Variants in DENND5B observed in about 807,000 individuals in gnomAD.
DENND5B encodes the protein DENN domain-containing protein 5B.
DENND5B carries 34 observed loss-of-function variants against 140.6 expected under a neutral mutation model. That is an observed-to-expected ratio of 0.24 (90% CI 0.18 to 0.32). The LOEUF (loss-of-function observed/expected upper bound fraction) is 0.32. Among genes scored for constraint, DENND5B ranks in the 10% least tolerant of loss-of-function variants. The pLI, the probability that DENND5B is intolerant of heterozygous loss-of-function variation, is 1.00. For synonymous variants in DENND5B, 551 were observed against 562.1 expected, an observed-to-expected ratio of 0.98 and a Z score of 0.28; for missense variants, 1,142 against 1,560.2, an observed-to-expected ratio of 0.73 and a Z score of 4.52.
intron 17 of DENND5B, among the ~76,000 whole-genome samples, chr12:31,397,815 T>C (rs1941567354): frequency 8.0e-6 from 1 of 125,032 alleles, no homozygotes; most frequent in South Asian, 2.8e-4. Flanking sequence ...TCCCAGCTAC[T>C]TGGAAAGCTG....
chr12:31,570,270 T>C, intron 1 of DENND5B, among the ~76,000 whole-genome samples: 1 of 149,906 alleles, frequency 6.7e-6, no homozygotes. Context: ...TAATCAAAAT[T>C]CTCTCTCTTT....
intron 2 of DENND5B, among the ~76,000 whole-genome samples, chr12:31,494,600 T>C (rs890991770): frequency 2.6e-5 from 4 of 152,176 alleles, no homozygotes; most frequent in African/African-American, 9.7e-5. Flanking sequence ...GTACCTCTGA[T>C]TGTTTCCTTC....
intron 2 of DENND5B, among the ~76,000 whole-genome samples, chr12:31,482,912 T>C (rs1946125770): frequency 6.6e-6 from 1 of 152,240 alleles, no homozygotes; most frequent in South Asian, 2.1e-4. Context: ...TAAAAGCTGA[T>C]GTCCTTATAA....
intron 8 of DENND5B, among the ~76,000 whole-genome samples, chr12:31,430,927 C>A (rs890580237): frequency 2.0e-5 from 3 of 152,162 alleles, no homozygotes; most frequent in African/African-American, 7.2e-5. Flanking sequence ...CCTCTCTTCA[C>A]AGCAAGAAGG....
intron 1 of DENND5B, among the ~76,000 whole-genome samples, chr12:31,589,375 A>G (rs1274461915): frequency 2.0e-5 from 3 of 152,162 alleles, no homozygotes; most frequent in Admixed American, 6.5e-5. Flanking sequence ...TTGGTATTCT[A>G]TTATCTCTCC....
chr12:31,559,618 G>T (rs1949406200), intron 1 of DENND5B, among the ~76,000 whole-genome samples: 1 of 152,032 alleles, frequency 6.6e-6, no homozygotes, highest in Non-Finnish European at 1.5e-5. Flanking sequence ...AAGTGTAATG[G>T]AAATGTAAGA....
At chr12:31,450,011 G>T (rs1043330101) in intron 5 of DENND5B, among the ~76,000 whole-genome samples, 1 of 152,176 alleles carries the variant, frequency 6.6e-6, no homozygotes, top group Non-Finnish European at 1.5e-5. Flanking sequence ...GATTACAGGC[G>T]TGAGCCACTG....
intron 3 of DENND5B, among the ~76,000 whole-genome samples, chr12:31,468,945 G>T (rs1945411783): frequency 6.6e-6 from 1 of 152,130 alleles, no homozygotes; most frequent in Admixed American, 6.5e-5. Flanking sequence ...CAGGGGTCAA[G>T]AAAACAAGGA....
At chr12:31,509,604 T>A (rs964466487) in intron 1 of DENND5B, among the ~76,000 whole-genome samples, 1 of 152,228 alleles carries the variant, frequency 6.6e-6, no homozygotes, top group South Asian at 2.1e-4. Context: ...AATTTTGAGA[T>A]AGTTTATTAT....
Position 31,452,039 on chromosome 12 carries a change from A to T in DENND5B, c.1530T>A (p.Phe510Leu). 1 of 1,613,964 alleles carries T rather than the reference A, an allele frequency of 6.2e-7. No individual in the cohort carries two copies. Among genetic ancestry groups the T allele is most frequent in the Non-Finnish European group, 8.5e-7 (1 of 1,179,890 alleles). ...VQLREVFANR[F>L]TQMFADYEAF... ...CTTCGTAATCTGCAAACATCTGTGT[A>T]AAACGGTTAGCAAAGACCTCTCGGA... Residue 510 changes from phenylalanine to leucine, a missense_variant, in exon 5 of 21, where the codon TTT becomes TTA. Around this residue, in one of 5 missense-constraint regions of DENND5B, gnomAD observed 708 missense variants for 905.5 expected, o/e 0.78. Transcript: ENST00000389082.
rs2139566941 is a variant in DENND5B at position 31,590,934 on chromosome 12, G to A, written c.-102C>T. 2 of 1,115,722 alleles carry A rather than the reference G, an allele frequency of 1.8e-6. No homozygotes were observed. The highest frequency in any genetic ancestry group is 3.3e-5 in the African/African-American group (2 of 60,502). The allele number at this position is 1,115,722 out of a possible 1,614,324, so 69.1% of individuals were successfully genotyped here. ...GGCTGTGGTCTGTGCGCCCGCCCTAGGGCGACACTGGCGCGCCCATGGCCG... is the reference window on the plus strand; with the variant it reads ...GGCTGTGGTCTGTGCGCCCGCCCTAAGGCGACACTGGCGCGCCCATGGCCG... On this transcript the variant is annotated 5_prime_UTR_variant, in exon 1 of 21. Transcript: ENST00000389082.
chr12:31,390,380 T>C (rs1462560316), intron 19 of DENND5B, among the ~76,000 whole-genome samples: 1 of 152,244 alleles, frequency 6.6e-6, no homozygotes, highest in East Asian at 1.9e-4. Flanking sequence ...GGCTCACGCC[T>C]GTAATCCCAG....
At chr12:31,484,114 A>G (rs1946194165) in intron 2 of DENND5B, among the ~76,000 whole-genome samples, 2 of 152,038 alleles carry the variant, frequency 1.3e-5, no homozygotes, top group African/African-American at 2.4e-5. Flanking sequence ...TTGGCCTCCC[A>G]AAGTGCTGGG....
At position 31,415,415 on chromosome 12, in the gene DENND5B, G is replaced by A. The variant is rs1206745441; in HGVS notation, c.2504C>T (p.Ser835Leu). Residue 835 changes from serine to leucine, a missense_variant, in exon 12 of 21, where the codon TCA becomes TTA. Physicochemically the swap from Ser to Leu is moderately radical, Grantham distance 145 (BLOSUM62 -2). Around this residue, in one of 5 missense-constraint regions of DENND5B, gnomAD observed 268 missense variants for 349.2 expected, o/e 0.77. Transcript: ENST00000389082. ...ALGPERRKSDSGVMLPTLRVS... is the reference protein window; with the variant it reads ...ALGPERRKSDLGVMLPTLRVS... ...CCTGAGCGTTGGCAACATAACTCCT[G>A]AGTCAGATTTTCTTCTTTCTGGTCC... 6.2e-7 allele frequency: 1 copy of A among 1,610,278 alleles called. No individual in the cohort carries two copies. The highest frequency in any genetic ancestry group is 1.7e-4 in the Middle Eastern group (1 of 6,054).
rs149498648 is a variant in DENND5B at position 31,484,511 on chromosome 12, C to T, written c.238-4256G>A. 5.3e-5 allele frequency among the ~76,000 whole-genome samples: 8 copies of T among 152,146 alleles called. No homozygotes were observed. The East Asian group carries it at 9.7e-4, about 18-fold the overall frequency. ...GAGCTGAGTGGAAATTTTAAAAAATCGTCATCTTGGAGCCAGGTGCGGTGG... is the reference window on the plus strand; with the variant it reads ...GAGCTGAGTGGAAATTTTAAAAAATTGTCATCTTGGAGCCAGGTGCGGTGG... On this transcript the variant is annotated intron_variant, in intron 2 of 20. Coordinates refer to ENST00000389082, the MANE Select transcript of DENND5B (RefSeq NM_144973.4).
intron 1 of DENND5B, among the ~76,000 whole-genome samples, chr12:31,526,878 T>G (rs1269163270): frequency 6.6e-6 from 1 of 152,232 alleles, no homozygotes; most frequent in Non-Finnish European, 1.5e-5. Flanking sequence ...AAAATACTGT[T>G]GTGACTCTAC....
At chr12:31,407,468 C>T (rs1942189791) in intron 14 of DENND5B, among the ~76,000 whole-genome samples, 1 of 152,162 alleles carries the variant, frequency 6.6e-6, no homozygotes, top group African/African-American at 2.4e-5. Flanking sequence ...TTTCTTACAC[C>T]TGCAGTAACC....
At chr12:31,570,469 G>C (rs936558520) in intron 1 of DENND5B, among the ~76,000 whole-genome samples, 2 of 150,334 alleles carry the variant, frequency 1.3e-5, no homozygotes, top group Admixed American at 1.3e-4. Context: ...AGTAGAGACA[G>C]GGTTTTACCA....
At chr12:31,389,565 C>G (rs1285807083) in intron 19 of DENND5B, 67 bp from the exon 20 acceptor site, 2 of 1,437,564 alleles carry the variant, frequency 1.4e-6, no homozygotes, top group Non-Finnish European at 1.9e-6. Flanking sequence ...AGATTCATCA[C>G]TTAATTTATT....
Sources: gnomAD v4.1 joint callset for allele counts (sites outside exome capture counted in the v4.1 genomes callset) on GRCh38, gnomAD v4.1.1 for gene constraint, gnomAD v4.1.1 regional missense constraint, MANE v1.5 for transcripts, NCBI Gene and HGNC (gene_info 2026-07-23, HGNC 2026-07-21) for gene names.